Variants in CAMTA1 observed in about 807,000 individuals in gnomAD.
CAMTA1 encodes the protein calmodulin-binding transcription activator 1.
Under a neutral mutation model 170.9 loss-of-function variants are expected in CAMTA1, and 27 were observed. The observed-to-expected ratio is 0.16, with a 90% CI of 0.12 to 0.22. The LOEUF (loss-of-function observed/expected upper bound fraction) is 0.22, where lower values mean the gene tolerates loss of function less well. CAMTA1 is among the 10% of genes least tolerant of loss of function. CAMTA1 has a pLI of 1.00. For synonymous variants in CAMTA1, 833 were observed against 891.5 expected (o/e 0.93, Z 1.17); for missense variants, 1,619 against 2,217.2 (o/e 0.73, Z 5.42).
At chr1:7,137,155 T>C (rs1645592498) in intron 4 of CAMTA1, among the ~76,000 whole-genome samples, 1 of 152,166 alleles carries the variant, frequency 6.6e-6, no homozygotes, top group Non-Finnish European at 1.5e-5. Flanking sequence ...TTGTATTTTT[T>C]CTTCTCTTCC....
In CAMTA1 at chr1:7,318,014, C is replaced by T. The variant is rs189312354; in HGVS notation, c.438+68388C>T. The stretch of plus-strand genomic sequence containing the variant: ...GCTCAGGTGCCTTCCCTATGGATGG[C>T]CTGGGGAAATGGGCAGGTATGTGGA... On this transcript the variant is annotated intron_variant, in intron 5 of 22. Coordinates refer to ENST00000303635, the MANE Select transcript of CAMTA1 (RefSeq NM_015215.4). 3.9e-5 allele frequency among the ~76,000 whole-genome samples: 6 copies of T among 152,246 alleles called. No individual in the cohort carries two copies. In the East Asian group the frequency reaches 9.7e-4, roughly 25 times the overall value.
chr1:7,243,807 A>T (rs536002361), intron 4 of CAMTA1, among the ~76,000 whole-genome samples: 12 of 152,156 alleles, frequency 7.9e-5, no homozygotes, highest in Non-Finnish European at 1.6e-4. Flanking sequence ...TGAATCTATA[A>T]ATTTTTCAGG....
At chr1:7,733,340 G>A (rs907196998) in intron 12 of CAMTA1, among the ~76,000 whole-genome samples, 2 of 152,180 alleles carry the variant, frequency 1.3e-5, no homozygotes, top group Non-Finnish European at 2.9e-5. Context: ...ATTGAATTCA[G>A]TAATTCATAA....
intron 5 of CAMTA1, among the ~76,000 whole-genome samples, chr1:7,287,621 T>C (rs1264716882): frequency 6.6e-6 from 1 of 151,872 alleles, no homozygotes; most frequent in South Asian, 2.1e-4. Flanking sequence ...TATTTTTACA[T>C]GTTGTATTGG....
At chr1:6,908,397 C>CCGCTGCT (rs1313021285) in intron 3 of CAMTA1, among the ~76,000 whole-genome samples, 11 of 152,290 alleles carry the variant, frequency 7.2e-5, no homozygotes, top group African/African-American at 2.6e-4. Flanking sequence ...GAAATGCTGC[C>CCGCTGCT]CGCTGCTCGC....
chr1:7,758,782 A>C (rs2150251627), intron 22 of CAMTA1, among the ~76,000 whole-genome samples: 1 of 152,118 alleles, frequency 6.6e-6, no homozygotes, highest in Admixed American at 6.5e-5. Context: ...GAAAATACAA[A>C]AAATTAGCCG....
rs77067127 is a variant in CAMTA1, at chr1:7,019,470, G to A, written c.235-71834G>A. The stretch of plus-strand genomic sequence containing the variant: ...ACACTGGTGAGGGCAGCTCCTGGTG[G>A]TGGGGCAGGGGTCACAAAGCTCTGA... On this transcript the variant is annotated intron_variant, in intron 3 of 22. Coordinates refer to ENST00000303635, the MANE Select transcript of CAMTA1 (RefSeq NM_015215.4). 2.1e-3 allele frequency among the ~76,000 whole-genome samples: 316 copies of A among 152,352 alleles called. 1 individual carries two copies. Among genetic ancestry groups the A allele is most frequent in the African/African-American group, 6.9e-3 (288 of 41,574 alleles).
At position 7,364,764 on chromosome 1, in the gene CAMTA1, C is replaced by G. The variant is rs572662514; in HGVS notation, c.439-103066C>G. Among the ~76,000 whole-genome samples the G allele has an allele frequency of 2.6e-5, 4 of 152,244 alleles. No homozygotes were observed. The South Asian group carries it at 8.3e-4, about 32-fold the overall frequency. ...GCTCTGGGGCTGCAGAGATGCGTGT[C>G]TGTGGAGTTTGGATAAGCCCCATAA... On this transcript the variant is annotated intron_variant, in intron 5 of 22. Transcript: ENST00000303635.
chr1:7,133,417 G>T (rs1239611861), intron 4 of CAMTA1, among the ~76,000 whole-genome samples: 1 of 152,064 alleles, frequency 6.6e-6, no homozygotes, highest in Non-Finnish European at 1.5e-5. Context: ...AATAACTGTA[G>T]AATGTACTCC....
intron 20 of CAMTA1, among the ~76,000 whole-genome samples, 171 bp from the exon 21 acceptor site, chr1:7,752,288 T>C (rs1163489338): frequency 2.0e-5 from 3 of 152,184 alleles, no homozygotes; most frequent in Non-Finnish European, 4.4e-5. Flanking sequence ...CTCGATACTA[T>C]GGGAACAGCA....
Position 7,434,419 on chromosome 1 carries a change from G to C in CAMTA1, c.439-33411G>C, listed in dbSNP as rs12095680. Among the ~76,000 whole-genome samples the C allele has an allele frequency of 5.6e-3, 845 of 151,898 alleles. 9 individuals are homozygous for C. The highest frequency in any genetic ancestry group is 0.02 in the African/African-American group (815 of 41,362). ...CCATAGGGTGGCTAGGCAGTGATGG[G>C]TTGGCCACCCCTGGGGCTTAGGAGG... On this transcript the variant is annotated intron_variant, in intron 5 of 22. Coordinates refer to ENST00000303635, the MANE Select transcript of CAMTA1 (RefSeq NM_015215.4).
Position 7,251,448 on chromosome 1 carries a change from CTAACATGGATGGCAGT to C in CAMTA1, c.438+1823_438+1838del, listed in dbSNP as rs1172852407. Among the ~76,000 whole-genome samples, 5 of 152,256 alleles carry C rather than the reference CTAACATGGATGGCAGT, an allele frequency of 3.3e-5. No homozygotes were observed. In the East Asian group the frequency reaches 9.6e-4, roughly 29 times the overall value. On this transcript the variant is annotated intron_variant, in intron 5 of 22. Transcript: ENST00000303635. This position sits in a 1 kb window ranked among gnomAD's most constrained non-coding sequence, Gnocchi z 5.1. ...GATGGGGAGGGGTTTCCATGACCTC[CTAACATGGATGGCAGT>C]GTGGGCAGCGGGAAGAGCCGGTGAC... is the stretch of plus-strand genomic sequence containing the variant.
chr1:7,316,187 G>A (rs1677480683), intron 5 of CAMTA1, among the ~76,000 whole-genome samples: 1 of 152,096 alleles, frequency 6.6e-6, no homozygotes. Flanking sequence ...TGACACACAG[G>A]GATTATGGGG....
At chr1:7,151,973 A>G (rs1646604057) in intron 4 of CAMTA1, among the ~76,000 whole-genome samples, 1 of 152,194 alleles carries the variant, frequency 6.6e-6, no homozygotes. Context: ...ATTATTTCTC[A>G]GTCACTTTAA....
intron 6 of CAMTA1, among the ~76,000 whole-genome samples, chr1:7,488,868 CAA>C (rs1361529899): frequency 6.6e-6 from 1 of 152,156 alleles, no homozygotes; most frequent in East Asian, 1.9e-4. Flanking sequence ...TATATACACA[CAA>C]TACACATTGC....
chr1:7,284,014 G>T (rs1342805401), intron 5 of CAMTA1, among the ~76,000 whole-genome samples: 2 of 152,010 alleles, frequency 1.3e-5, no homozygotes, highest in African/African-American at 4.8e-5. Flanking sequence ...CTACCTGTGG[G>T]GCTTGCCCCT....
At chr1:7,414,205 G>A (rs1230811322) in intron 5 of CAMTA1, among the ~76,000 whole-genome samples, 2 of 152,160 alleles carry the variant, frequency 1.3e-5, no homozygotes, top group African/African-American at 4.8e-5. Flanking sequence ...CAAGGATATT[G>A]GTCTAAAATT....
Position 6,887,652 on chromosome 1 carries a change from A to G in CAMTA1, c.234+62442A>G. The G allele has an allele frequency of 2.0e-6, 3 of 1,535,062 alleles. No homozygotes were observed. The highest frequency in any genetic ancestry group is 2.4e-5 in the South Asian group (2 of 84,024). The stretch of plus-strand genomic sequence containing the variant: ...GACCCATTTTACACCTATTTATTTC[A>G]GGCTCTCACCACACACTTGTTCATG... On this transcript the variant is annotated intron_variant, in intron 3 of 22. Transcript: ENST00000303635. The surrounding 1 kb of genome is among the most constrained non-coding windows in gnomAD (Gnocchi z 4.1).
rs529512811 is a variant in CAMTA1, at chr1:7,672,147, GTCC to G, written c.2779+1113_2779+1115del. The G allele has an allele frequency of 3.6e-4, 157 of 440,818 alleles. 1 individual carries two copies. Among genetic ancestry groups the G allele is most frequent in the Middle Eastern group, 1.0e-3 (3 of 2,968 alleles). 27.3% of individuals were successfully genotyped at this position (440,818 alleles called of 1,614,324 possible). On this transcript the variant is annotated intron_variant, in intron 10 of 22. Transcript: ENST00000303635. ...CGGAACGGCAGGGAGACCCACCCCT[GTCC>G]TCTAACGTCAGGGAGCCTAGAAAGG...
Sources: allele counts gnomAD v4.1 joint callset (sites outside exome capture counted in the v4.1 genomes callset), GRCh38; gene constraint gnomAD v4.1.1; non-coding constraint Gnocchi (gnomAD v3.1); transcripts MANE v1.5; gene names NCBI Gene and HGNC (gene_info 2026-07-23, HGNC 2026-07-21).